The following NDUFAF6 variants were observed in gnomAD, a reference collection of about 807,000 sequenced individuals.
NDUFAF6 encodes NADH:ubiquinone oxidoreductase complex assembly factor 6.
A neutral mutation model predicts 40.8 loss-of-function variants in NDUFAF6; 45 were observed. The ratio of observed to expected loss-of-function variants is 1.10; its 90% CI spans 0.87 to 1.42. NDUFAF6 has a LOEUF of 1.42. Ranked by LOEUF, NDUFAF6 falls within the 40% of genes most tolerant of loss-of-function variation. NDUFAF6 has a pLI of 0.00. For missense variants in NDUFAF6, 435 were observed against 418.5 expected, an observed-to-expected ratio of 1.04 and a Z score of -0.34; for synonymous variants, 185 against 155.9, an observed-to-expected ratio of 1.19 and a Z score of -1.39.
downstream of NDUFAF6, among the ~76,000 whole-genome samples, chr8:95,105,952 A>G (rs938750867): frequency 1.3e-5 from 2 of 152,054 alleles, no homozygotes; most frequent in Non-Finnish European, 2.9e-5. Context: ...CAACCATCTT[A>G]ATCATAGGAA....
chr8:95,101,085 T>A (rs991259134), intron 1 of NDUFAF6: 2 of 152,220 alleles, frequency 1.3e-5, no homozygotes, highest in African/African-American at 4.8e-5. Context: ...ATTTTCAGAA[T>A]GATTTTACTT....
upstream of NDUFAF6, among the ~76,000 whole-genome samples, chr8:94,957,628 A>C (rs573690162): frequency 1.1e-3 from 172 of 152,344 alleles, no homozygotes; most frequent in African/African-American, 4.0e-3. Flanking sequence ...TCTACAGCAG[A>C]TGTATTGATA....
Position 94,920,844 on chromosome 8 carries a change from G to A in NDUFAF6, c.-935-24639G>A, listed in dbSNP as rs369439673. On this transcript the variant is annotated intron_variant, in intron 1 of 14. Coordinates refer to the NDUFAF6 transcript ENST00000396113. ...TGCATTCAGCTGCAGCTGAGCCTCC[G>A]AAGAAATGAAAGCCTTTAATTCCCA... 1.4e-4 allele frequency among the ~76,000 whole-genome samples: 21 copies of A among 152,292 alleles called. 1 individual carries two copies. The highest frequency in any genetic ancestry group is 4.6e-4 in the African/African-American group (19 of 41,566).
chr8:94,923,520 T>G (rs7006559), intron 1 of NDUFAF6, among the ~76,000 whole-genome samples: 242 of 152,326 alleles, frequency 1.6e-3, no homozygotes, highest in African/African-American at 5.5e-3. Context: ...ACTTCCTGTC[T>G]TCTATTCCAA....
chr8:95,007,940 C>T (rs1827073484), intron 2 of NDUFAF6, among the ~76,000 whole-genome samples: 1 of 152,010 alleles, frequency 6.6e-6, no homozygotes, highest in African/African-American at 2.4e-5. Context: ...CCCAGGCTAG[C>T]TTTGAGCTCC....
At chr8:94,965,836 T>C (rs1218400118) in intron 1 of NDUFAF6, among the ~76,000 whole-genome samples, 1 of 152,170 alleles carries the variant, frequency 6.6e-6, no homozygotes, top group Non-Finnish European at 1.5e-5. Context: ...GAACTCAATG[T>C]ATTTAGCACT....
intron 2 of NDUFAF6, among the ~76,000 whole-genome samples, chr8:95,088,487 C>G (rs1036581705): frequency 6.6e-5 from 10 of 152,190 alleles, no homozygotes; most frequent in African/African-American, 2.4e-4. Context: ...CCAAAACACA[C>G]CTACCTCATC....
At chr8:95,110,758 T>A (rs1809977139) in intron 4 of NDUFAF6, among the ~76,000 whole-genome samples, 1 of 152,218 alleles carries the variant, frequency 6.6e-6, no homozygotes, top group Admixed American at 6.5e-5. Context: ...CATGTTGTTA[T>A]CCAATCTTCT....
chr8:95,063,155 A>C (rs1425295576), downstream of NDUFAF6, among the ~76,000 whole-genome samples: 1 of 152,262 alleles, frequency 6.6e-6, no homozygotes, highest in Non-Finnish European at 1.5e-5. Flanking sequence ...GTGGTCCATA[A>C]CACATGTATT....
chr8:95,052,313 G>T, intron 8 of NDUFAF6, 83 bp downstream of exon 8: 1 of 1,447,872 alleles, frequency 6.9e-7, no homozygotes, highest in South Asian at 1.2e-5. Flanking sequence ...AGTTCCCAAT[G>T]AACTTCTTTA....
intron 1 of NDUFAF6, among the ~76,000 whole-genome samples, chr8:94,919,428 C>G (rs1462874426): frequency 6.6e-6 from 1 of 152,150 alleles, no homozygotes; most frequent in Non-Finnish European, 1.5e-5. Context: ...TATCAGGCAG[C>G]TACCTGAGCC....
At chr8:94,969,297 G>C (rs1373885773) in intron 1 of NDUFAF6, among the ~76,000 whole-genome samples, 1 of 152,210 alleles carries the variant, frequency 6.6e-6, no homozygotes, top group African/African-American at 2.4e-5. Context: ...AAGGGTAGAT[G>C]ATTCTAGGGA....
At chr8:95,065,137 A>T (rs931865136) in intron 9 of NDUFAF6, among the ~76,000 whole-genome samples, 1 of 152,194 alleles carries the variant, frequency 6.6e-6, no homozygotes, top group Non-Finnish European at 1.5e-5. Context: ...GAGTTCTGTG[A>T]GCCTAGGTAT....
intron 2 of NDUFAF6, among the ~76,000 whole-genome samples, chr8:95,094,347 TTTTTCTTTCCTTCTTTCTTTTC>T (rs796888725): frequency 0.02 from 2,660 of 134,022 alleles, 178 homozygotes; most frequent in Middle Eastern, 0.029. Flanking sequence ...ATGTCTTTCC[TTTTTCTTTCCTTCTTTCTTTTC>T]TTTTCTTTCC....
chr8:95,061,741 C>T (rs141412689), downstream of NDUFAF6, among the ~76,000 whole-genome samples: 1,267 of 152,076 alleles, frequency 8.3e-3, 14 homozygotes, highest in African/African-American at 0.029. Flanking sequence ...GTTTGTTCAG[C>T]AAAAAGGAAT....
intron 4 of NDUFAF6, among the ~76,000 whole-genome samples, chr8:95,111,068 C>A (rs577484107): frequency 6.6e-6 from 1 of 152,284 alleles, no homozygotes; most frequent in African/African-American, 2.4e-5. Flanking sequence ...AGGTTCTTAC[C>A]CACACTTAAT....
intron 1 of NDUFAF6, chr8:94,896,602 C>G (rs1020619678): frequency 6.6e-6 from 1 of 152,006 alleles, no homozygotes; most frequent in African/African-American, 2.4e-5. Context: ...CGCGGTAGCT[C>G]GGGCGGGCCG....
rs1049021061 is a variant in NDUFAF6, at chr8:95,058,339, A to G, written c.*402A>G. 169 of 1,248,726 alleles carry G rather than the reference A, an allele frequency of 1.4e-4. No homozygotes were observed. Among genetic ancestry groups the G allele is most frequent in the Non-Finnish European group, 1.6e-4 (162 of 998,146 alleles). 77.4% of individuals were successfully genotyped at this position (1,248,726 alleles called of 1,614,324 possible). A position where few individuals can be genotyped will look rare whatever the true frequency, so the allele number is the denominator to read the frequency against. ...ATAGGGGCTTACATGCTGAGCAGCTATAACCTAGGTGTTCAGAACACCTGG... is the reference window on the plus strand; with the variant it reads ...ATAGGGGCTTACATGCTGAGCAGCTGTAACCTAGGTGTTCAGAACACCTGG... On this transcript the variant is annotated 3_prime_UTR_variant, in exon 9 of 9. Coordinates refer to ENST00000396124, the MANE Select transcript of NDUFAF6 (RefSeq NM_152416.4).
At chr8:95,048,989 C>G (rs1350493864) in intron 7 of NDUFAF6, among the ~76,000 whole-genome samples, 5 of 152,136 alleles carry the variant, frequency 3.3e-5, no homozygotes, top group African/African-American at 1.2e-4. Flanking sequence ...TCTGAATTTA[C>G]AGGCAGCCTG....
Sources: gnomAD v4.1 joint callset for allele counts (sites outside exome capture counted in the v4.1 genomes callset) on GRCh38, gnomAD v4.1.1 for gene constraint, MANE v1.5 for transcripts, NCBI Gene and HGNC (gene_info 2026-07-23, HGNC 2026-07-21) for gene names.